The following NELL1 variants were observed in gnomAD, a reference collection of about 807,000 sequenced individuals.
NELL1 encodes protein kinase C-binding protein NELL1.
NELL1 carries 76 observed loss-of-function variants against 107.4 expected under a neutral mutation model. The ratio of observed to expected loss-of-function variants is 0.71; its 90% CI spans 0.59 to 0.86. The LOEUF is 0.86. NELL1 is among the 40% of genes least tolerant of loss of function. The pLI is 0.00. For synonymous variants in NELL1, 353 were observed against 341.2 expected (o/e 1.03, Z -0.38); for missense variants, 1,024 against 1,005.5 (o/e 1.02, Z -0.25).
intron 15 of NELL1, among the ~76,000 whole-genome samples, chr11:21,459,293 C>T (rs1358287383): frequency 1.4e-5 from 2 of 144,970 alleles, no homozygotes; most frequent in African/African-American, 5.1e-5. Flanking sequence ...AAGTAACCTG[C>T]CATGGTTCAG....
chr11:21,436,493 C>G (rs1214479315), intron 15 of NELL1, among the ~76,000 whole-genome samples: 1 of 152,070 alleles, frequency 6.6e-6, no homozygotes, highest in Non-Finnish European at 1.5e-5. Flanking sequence ...TGTAATGTCT[C>G]TTATTTCATT....
At chr11:21,088,381 G>A (rs931185481) in intron 12 of NELL1, among the ~76,000 whole-genome samples, 3 of 151,936 alleles carry the variant, frequency 2.0e-5, no homozygotes, top group Non-Finnish European at 4.4e-5. Context: ...TTTCACATGA[G>A]GAAAATAGGG....
chr11:20,963,843 T>G (rs188711193), intron 12 of NELL1, among the ~76,000 whole-genome samples: 1 of 152,194 alleles, frequency 6.6e-6, no homozygotes, highest in Non-Finnish European at 1.5e-5. Context: ...ATTACACACA[T>G]TGTCCAGGCC....
At chr11:21,369,283 A>T (rs1851303384) in intron 14 of NELL1, among the ~76,000 whole-genome samples, 1 of 151,942 alleles carries the variant, frequency 6.6e-6, no homozygotes. Context: ...AATTTTTGGG[A>T]CAAGAGATTT....
intron 13 of NELL1, among the ~76,000 whole-genome samples, chr11:21,213,438 AT>A (rs772297678): frequency 1.2e-4 from 18 of 152,244 alleles, no homozygotes; most frequent in Non-Finnish European, 1.8e-4. Context: ...AATATTAAGG[AT>A]TTTTTTATAG....
intron 12 of NELL1, among the ~76,000 whole-genome samples, chr11:21,107,219 A>G (rs188146539): frequency 3.8e-3 from 578 of 152,242 alleles, no homozygotes; most frequent in Non-Finnish European, 6.6e-3. Flanking sequence ...GTTTGGACAA[A>G]TATATAATAA....
At chr11:21,573,114 C>T (rs1427945966) in intron 18 of NELL1, 71 bp from the exon 19 acceptor site, 3 of 1,165,536 alleles carry the variant, frequency 2.6e-6, no homozygotes, top group African/African-American at 1.5e-5. Context: ...CTCTCTTTCC[C>T]CTTCTATGAC....
chr11:21,359,571 T>C (rs773286621), intron 14 of NELL1, among the ~76,000 whole-genome samples: 1 of 152,138 alleles, frequency 6.6e-6, no homozygotes, highest in Non-Finnish European at 1.5e-5. Flanking sequence ...TTCAGTGAGA[T>C]TGGTACCAAT....
chr11:21,039,288 C>A (rs1026998202), intron 12 of NELL1, among the ~76,000 whole-genome samples: 2 of 152,136 alleles, frequency 1.3e-5, no homozygotes, highest in South Asian at 2.1e-4. Flanking sequence ...TGGGTTCAAG[C>A]AATTCTCCTG....
At chr11:20,707,304 G>T (rs570419644) in intron 2 of NELL1, among the ~76,000 whole-genome samples, 184 of 152,226 alleles carry the variant, frequency 1.2e-3, no homozygotes, top group African/African-American at 4.3e-3. Flanking sequence ...TGATGGGTTT[G>T]AACTTCCTCC....
intron 12 of NELL1, among the ~76,000 whole-genome samples, chr11:20,989,404 C>T (rs961879958): frequency 6.6e-6 from 1 of 152,190 alleles, no homozygotes; most frequent in African/African-American, 2.4e-5. Flanking sequence ...GTGATCATTA[C>T]ATAAAAGGCC....
At chr11:21,045,115 C>T (rs1853325247) in intron 12 of NELL1, among the ~76,000 whole-genome samples, 1 of 152,110 alleles carries the variant, frequency 6.6e-6, no homozygotes, top group African/African-American at 2.4e-5. Context: ...GGAGGGCAGG[C>T]TGATGAATAG....
At chr11:21,095,383 G>A (rs751443541) in intron 12 of NELL1, among the ~76,000 whole-genome samples, 2 of 152,056 alleles carry the variant, frequency 1.3e-5, no homozygotes, top group Non-Finnish European at 2.9e-5. Context: ...TCCACCCTCT[G>A]CCTGTAACCC....
intron 12 of NELL1, among the ~76,000 whole-genome samples, chr11:20,969,953 C>T (rs1287745533): frequency 1.3e-5 from 2 of 151,722 alleles, no homozygotes; most frequent in African/African-American, 2.4e-5. Flanking sequence ...ATTATTATAC[C>T]AACAATATTA....
chr11:20,931,724 A>G (rs577787420), intron 9 of NELL1, among the ~76,000 whole-genome samples: 21 of 152,334 alleles, frequency 1.4e-4, no homozygotes, highest in Non-Finnish European at 2.6e-4. Flanking sequence ...TGTGAGGGAT[A>G]TAAGTGAAAC....
chr11:21,540,112 A>T (rs183287412), intron 16 of NELL1, among the ~76,000 whole-genome samples: 135 of 152,260 alleles, frequency 8.9e-4, no homozygotes, highest in Non-Finnish European at 1.6e-3. Flanking sequence ...ACAACCACAG[A>T]ATGTGTAATG....
chr11:21,081,019 T>C (rs377067078), intron 12 of NELL1, among the ~76,000 whole-genome samples: 1 of 152,190 alleles, frequency 6.6e-6, no homozygotes, highest in South Asian at 2.1e-4. Context: ...CTCCCATCCA[T>C]ATGACCTTTC....
intron 14 of NELL1, among the ~76,000 whole-genome samples, chr11:21,285,886 CA>C (rs1849105001): frequency 6.6e-6 from 1 of 151,934 alleles, no homozygotes; most frequent in Non-Finnish European, 1.5e-5. Flanking sequence ...AGTTGGGAGA[CA>C]AACTAAAATA....
chr11:20,848,863 G>A (rs535517953), intron 4 of NELL1, among the ~76,000 whole-genome samples: 46 of 152,334 alleles, frequency 3.0e-4, no homozygotes, highest in African/African-American at 1.1e-3. Flanking sequence ...TTGCCATCTT[G>A]AGGTGAGTCT....
Sources: allele counts gnomAD v4.1 joint callset (sites outside exome capture counted in the v4.1 genomes callset), GRCh38; gene constraint gnomAD v4.1.1; transcripts MANE v1.5; gene names NCBI Gene and HGNC (gene_info 2026-07-23, HGNC 2026-07-21).